ASAP3: variants seen among roughly 807,000 people sequenced by gnomAD.
ASAP3 encodes the protein arf-GAP with SH3 domain, ANK repeat and PH domain-containing protein 3.
A neutral mutation model predicts 118.2 loss-of-function variants in ASAP3; 85 were observed. The observed-to-expected ratio is 0.72, with a 90% CI of 0.60 to 0.86. The LOEUF (loss-of-function observed/expected upper bound fraction) is 0.86, where lower values mean the gene tolerates loss of function less well. ASAP3 is among the 40% of genes least tolerant of loss of function. The pLI is 0.00. For missense variants in ASAP3, 1,026 were observed against 1,175.0 expected, an observed-to-expected ratio of 0.87 and a Z score of 1.85; for synonymous variants, 432 against 477.4, an observed-to-expected ratio of 0.90 and a Z score of 1.24.
chr1:23,443,699 C>CTTT (rs780457191), intron 5 of ASAP3, among the ~76,000 whole-genome samples: 1 of 137,202 alleles, frequency 7.3e-6, no homozygotes, highest in East Asian at 2.1e-4. Flanking sequence ...CCCAGCTAAT[C>CTTT]TTTTTTTTTT....
At chr1:23,462,769 C>CA (rs1421511569) in intron 1 of ASAP3, among the ~76,000 whole-genome samples, 1 of 151,108 alleles carries the variant, frequency 6.6e-6, no homozygotes. Flanking sequence ...AAAAAACAAA[C>CA]AAAAAAGACA....
In ASAP3 at chr1:23,438,969, C is replaced by A; in HGVS notation, c.1015-135G>T. On this transcript the variant is annotated intron_variant, in intron 11 of 24. Transcript: ENST00000336689. This position sits in a 1 kb window ranked among gnomAD's most constrained non-coding sequence, Gnocchi z 4.9. ...TGTTTCTCCTCACCCAGCAGCACCT[C>A]AAGGATGTGAAGTGTAGACTAAGAC... 1 of 1,134,088 alleles carries A rather than the reference C, an allele frequency of 8.8e-7. No individual in the cohort carries two copies. 70.3% of individuals were successfully genotyped at this position (1,134,088 alleles called of 1,614,324 possible).
chr1:23,451,336 G>T, intron 5 of ASAP3, 143 bp downstream of exon 5: 1 of 887,930 alleles, frequency 1.1e-6, no homozygotes, highest in Non-Finnish European at 1.8e-6. Flanking sequence ...TCAGGTCTGG[G>T]TATAAACAAT....
chr1:23,441,091 G>A lies in ASAP3; in HGVS notation c.944+11C>T, dbSNP rs762051467. ...ACATTGGGCAAATTATGTAAGCTCT[G>A]AATCACTTACCCGTCACTTTTCTTG... is the stretch of plus-strand genomic sequence containing the variant. On this transcript the variant is annotated intron_variant, in intron 10 of 24. Transcript: ENST00000336689. 24 of 1,611,134 alleles carry A rather than the reference G, an allele frequency of 1.5e-5. No homozygotes were observed. Among genetic ancestry groups the A allele is most frequent in the Non-Finnish European group, 1.8e-5 (21 of 1,177,498 alleles).
chr1:23,455,790 G>A (rs1381439241), intron 3 of ASAP3, 91 bp downstream of exon 3: 2 of 1,531,772 alleles, frequency 1.3e-6, no homozygotes, highest in East Asian at 4.5e-5. Context: ...GGCAAATTGG[G>A]AGAAGGAAGG....
chr1:23,430,216 T>C (rs1359397411), intron 24 of ASAP3, among the ~76,000 whole-genome samples: 2 of 152,166 alleles, frequency 1.3e-5, no homozygotes, highest in East Asian at 3.8e-4. Flanking sequence ...TGGACATAGA[T>C]TTGTGTCTGC....
intron 1 of ASAP3, among the ~76,000 whole-genome samples, chr1:23,457,728 G>A (rs1641433319): frequency 6.6e-6 from 1 of 152,118 alleles, no homozygotes; most frequent in African/African-American, 2.4e-5. Context: ...GGCCAGGTTG[G>A]TCTCAAACTC....
rs781229291 is a variant in ASAP3 at position 23,431,087 on chromosome 1, C to A, written c.2585G>T (p.Ser862Ile). The A allele has an allele frequency of 6.4e-7, 1 of 1,569,780 alleles. No individual in the cohort carries two copies. The highest frequency in any genetic ancestry group is 1.3e-5 in the African/African-American group (1 of 74,236). Reference sequence around the variant, plus strand: ...CCTGGCTGAGGGACCATCTTCAGGGCTCCGCGCCCCCCGCCGATAGGAGCG... The same window carrying A: ...CCTGGCTGAGGGACCATCTTCAGGGATCCGCGCCCCCCGCCGATAGGAGCG... ...STRSYRRGARSPEDGPSARQP... is the reference protein window; with the variant it reads ...STRSYRRGARIPEDGPSARQP... The change falls in exon 24 of 25, where the codon AGC becomes ATC. Residue 862 changes from serine to isoleucine, a missense_variant. Physicochemically the swap from Ser to Ile is moderately radical, Grantham distance 142. Transcript: ENST00000336689.
intron 1 of ASAP3, among the ~76,000 whole-genome samples, chr1:23,474,081 C>T (rs1408095692): frequency 1.4e-5 from 2 of 142,708 alleles, no homozygotes; most frequent in East Asian, 2.2e-4. Context: ...AATTCTCCTG[C>T]CTCAGCCTCC....
At chr1:23,472,935 A>G (rs2148659265) in intron 1 of ASAP3, among the ~76,000 whole-genome samples, 1 of 152,322 alleles carries the variant, frequency 6.6e-6, no homozygotes, top group Admixed American at 6.5e-5. Flanking sequence ...CACAGCCAAT[A>G]GGAATTCAAA....
chr1:23,431,478 G>T (rs1640429219), intron 23 of ASAP3, among the ~76,000 whole-genome samples: 1 of 152,162 alleles, frequency 6.6e-6, no homozygotes, highest in African/African-American at 2.4e-5. Flanking sequence ...TCAGCAGGGA[G>T]GATCCCTGGC....
rs1043620492 is a variant in ASAP3, at chr1:23,437,957, C to T, written c.1103-485G>A. Among the ~76,000 whole-genome samples, 3 of 152,104 alleles carry T rather than the reference C, an allele frequency of 2.0e-5. No homozygotes were observed. The highest frequency in any genetic ancestry group is 7.2e-5 in the African/African-American group (3 of 41,416). On this transcript the variant is annotated intron_variant, in intron 12 of 24. Transcript: ENST00000336689. This position sits in a 1 kb window ranked among gnomAD's most constrained non-coding sequence, Gnocchi z 6.1. Reference sequence around the variant, plus strand: ...CCCTGCCCCAAGATCTCCCATGGCTCTCTATTGCCAGGAAATAAGGTCCAA... The same window carrying T: ...CCCTGCCCCAAGATCTCCCATGGCTTTCTATTGCCAGGAAATAAGGTCCAA...
Position 23,433,548 on chromosome 1 carries a change from G to A in ASAP3, c.2020-16C>T, listed in dbSNP as rs368029737. 3.7e-6 allele frequency: 6 copies of A among 1,614,216 alleles called. No individual in the cohort carries two copies. In the African/African-American group the frequency reaches 6.7e-5, roughly 18 times the overall value. On this transcript the variant is annotated splice_polypyrimidine_tract_variant and intron_variant, in intron 20 of 24. Coordinates refer to ENST00000336689, the MANE Select transcript of ASAP3 (RefSeq NM_017707.4). Reference sequence around the variant, plus strand: ...CCTGCTCCAGCTGCCAAAAACAAAGGCTTGGTGGTTCAGAGGGTTGGGGGC... The same window carrying A: ...CCTGCTCCAGCTGCCAAAAACAAAGACTTGGTGGTTCAGAGGGTTGGGGGC...
Position 23,437,002 on chromosome 1 carries a change from A to C in ASAP3, c.1385T>G (p.Ile462Ser), listed in dbSNP as rs1640689769. The change falls in exon 15 of 25, where the codon ATC (isoleucine) becomes AGC (serine). Residue 462 changes from isoleucine to serine, a missense_variant. Transcript: ENST00000336689. This position sits in a 1 kb window ranked among gnomAD's most constrained non-coding sequence, Gnocchi z 6.1. The stretch of plus-strand genomic sequence containing the variant: ...TTCGCGGTGGACGCCCGAGCACTGG[A>C]TGCAGGTGAGCACGCCCAGGTTGGT... ...LSTNLGVLTC[I>S]QCSGVHRELG... 1.9e-6 allele frequency: 3 copies of C among 1,612,310 alleles called. No homozygotes were observed. The highest frequency in any genetic ancestry group is 3.3e-4 in the Middle Eastern group (2 of 6,052).
chr1:23,484,310 G>T (rs1642440237), upstream of ASAP3: 2 of 535,576 alleles, frequency 3.7e-6, no homozygotes, highest in Admixed American at 7.7e-5. Context: ...GGACGGCCCC[G>T]CCCCCGGCTC....
rs373339203 is a variant in ASAP3 at position 23,452,812 on chromosome 1, G to A, written c.349-41C>T. The A allele has an allele frequency of 1.5e-4, 236 of 1,591,332 alleles. 1 individual carries two copies. Among genetic ancestry groups the A allele is most frequent in the South Asian group, 2.2e-4 (20 of 90,590 alleles). On this transcript the variant is annotated intron_variant, in intron 3 of 24. Transcript: ENST00000336689. Reference sequence around the variant, plus strand: ...ACGCTCATTCCCGCCTCAGGTGACCGGCATCCAGCCCCTAGGGATTCGGTG... The same window carrying A: ...ACGCTCATTCCCGCCTCAGGTGACCAGCATCCAGCCCCTAGGGATTCGGTG...
intron 1 of ASAP3, among the ~76,000 whole-genome samples, chr1:23,475,599 C>T (rs556167889): frequency 1.6e-4 from 24 of 152,322 alleles, no homozygotes; most frequent in Non-Finnish European, 2.6e-4. Flanking sequence ...CTCCAGCCCG[C>T]TCCTTTGAAT....
chr1:23,440,779 C>T (rs1456440989), intron 10 of ASAP3, among the ~76,000 whole-genome samples: 1 of 151,048 alleles, frequency 6.6e-6, no homozygotes, highest in Non-Finnish European at 1.5e-5. Context: ...ATGACATGAC[C>T]CGGAAGGCGG....
chr1:23,433,452 A>C lies in ASAP3; in HGVS notation c.2100T>G (p.Ser700=). Residue 700 remains serine, a synonymous_variant, in exon 21 of 25, where the codon TCT becomes TCG. Coordinates refer to ENST00000336689, the MANE Select transcript of ASAP3 (RefSeq NM_017707.4). ...YSWVISTEPG[S]DSEEDEEEKR... The stretch of plus-strand genomic sequence containing the variant: ...TCTCTTCCTCATCCTCCTCACTGTC[A>C]GAGCCAGGCTCTGTGGAAATTACCC... 2 of 1,614,172 alleles carry C rather than the reference A, an allele frequency of 1.2e-6. No homozygotes were observed. The highest frequency in any genetic ancestry group is 1.7e-6 in the Non-Finnish European group (2 of 1,180,030).
Sources: gnomAD v4.1 joint callset for allele counts (sites outside exome capture counted in the v4.1 genomes callset) on GRCh38, gnomAD v4.1.1 for gene constraint, Gnocchi (gnomAD v3.1) non-coding constraint, MANE v1.5 for transcripts, NCBI Gene and HGNC (gene_info 2026-07-23, HGNC 2026-07-21) for gene names.